The following SLAIN1 variants were observed in gnomAD, a reference collection of about 807,000 sequenced individuals.
SLAIN1 encodes SLAIN motif-containing protein 1.
In SLAIN1, 17 loss-of-function variants were observed where a neutral mutation model predicts 55.4. That is an observed-to-expected ratio of 0.31 (90% CI 0.21 to 0.46). SLAIN1 has a LOEUF of 0.46. SLAIN1 is among the 20% of genes least tolerant of loss of function. The probability of loss-of-function intolerance (pLI) is 1.00; values close to 1 mark genes in which losing one functional copy is unlikely to be tolerated. For synonymous variants in SLAIN1, 348 were observed against 337.4 expected (o/e 1.03, Z -0.35); for missense variants, 682 against 785.1 (o/e 0.87, Z 1.57).
chr13:77,758,403 T>G (rs1010578181), intron 5 of SLAIN1, among the ~76,000 whole-genome samples: 10 of 152,194 alleles, frequency 6.6e-5, no homozygotes, highest in African/African-American at 2.2e-4. Flanking sequence ...ATTATTTATT[T>G]TGGTGTGCAG....
chr13:77,745,356 T>TG (rs1489417621), intron 3 of SLAIN1, among the ~76,000 whole-genome samples: 1 of 152,076 alleles, frequency 6.6e-6, no homozygotes, highest in Non-Finnish European at 1.5e-5. Flanking sequence ...TGGGGGAAAC[T>TG]GGGCAAAGTG....
intron 6 of SLAIN1, among the ~76,000 whole-genome samples, chr13:77,762,612 C>A (rs1248886228): frequency 6.6e-6 from 1 of 152,092 alleles, no homozygotes; most frequent in East Asian, 1.9e-4. Flanking sequence ...GTTGCCCAAG[C>A]TGGTCTTGAA....
chr13:77,702,654 G>A (rs1331107961), intron 1 of SLAIN1, among the ~76,000 whole-genome samples: 1 of 151,992 alleles, frequency 6.6e-6, no homozygotes, highest in African/African-American at 2.4e-5. Context: ...TCTAGTTACT[G>A]ATAGAGTTCA....
chr13:77,741,942 T>C (rs1197666390), intron 2 of SLAIN1, among the ~76,000 whole-genome samples: 1 of 152,128 alleles, frequency 6.6e-6, no homozygotes, highest in Non-Finnish European at 1.5e-5. Flanking sequence ...GCCTTGTTTA[T>C]ATTTTTTATA....
chr13:77,714,482 G>A (rs1407664832), intron 1 of SLAIN1, among the ~76,000 whole-genome samples: 1 of 152,104 alleles, frequency 6.6e-6, no homozygotes, highest in East Asian at 1.9e-4. Flanking sequence ...GTGTGGTGGT[G>A]CATGCCTATG....
At chr13:77,702,411 G>A (rs1400897033) in intron 1 of SLAIN1, among the ~76,000 whole-genome samples, 1 of 152,166 alleles carries the variant, frequency 6.6e-6, no homozygotes, top group Non-Finnish European at 1.5e-5. Flanking sequence ...GACACAGTGT[G>A]ATTGGATGCT....
chr13:77,743,338 AT>A, intron 2 of SLAIN1: 1 of 324,636 alleles, frequency 3.1e-6, no homozygotes, highest in Non-Finnish European at 5.5e-6. Flanking sequence ...CTCTAACACC[AT>A]TGATCTACTG....
rs1036297441 is a variant in SLAIN1, at chr13:77,697,793, C to G, written c.-121C>G. ...TGCGAACCGCCGGCTCGGCCTCAGC[C>G]CGCGCGTGGTCGGCCCCCCAGGCCG... On this transcript the variant is annotated 5_prime_UTR_variant, in exon 1 of 7. Transcript: ENST00000418532. 4.6e-6 allele frequency: 5 copies of G among 1,077,764 alleles called. No individual in the cohort carries two copies. Among genetic ancestry groups the G allele is most frequent in the Admixed American group, 9.6e-5 (2 of 20,842 alleles). The allele number at this position is 1,077,764 out of a possible 1,614,324, so 66.8% of individuals were successfully genotyped here. A position where few individuals can be genotyped will look rare whatever the true frequency, so the allele number is the denominator to read the frequency against.
At chr13:77,745,835 A>G (rs1321913495) in intron 3 of SLAIN1, among the ~76,000 whole-genome samples, 1 of 152,152 alleles carries the variant, frequency 6.6e-6, no homozygotes, top group Admixed American at 6.6e-5. Context: ...CAGTTTCAGA[A>G]GTTAAGTAGT....
intron 2 of SLAIN1, among the ~76,000 whole-genome samples, chr13:77,726,764 C>G (rs557076453): frequency 6.6e-6 from 1 of 152,260 alleles, no homozygotes; most frequent in Non-Finnish European, 1.5e-5. Flanking sequence ...TCCTCTTTTC[C>G]AAGCTGATCT....
At chr13:77,728,650 G>A (rs2091329774) in intron 2 of SLAIN1, among the ~76,000 whole-genome samples, 1 of 152,142 alleles carries the variant, frequency 6.6e-6, no homozygotes, top group Non-Finnish European at 1.5e-5. Flanking sequence ...TGTTATAAAG[G>A]AGTGTTAATG....
chr13:77,748,685 A>G (rs1202396537), intron 4 of SLAIN1, among the ~76,000 whole-genome samples: 1 of 152,104 alleles, frequency 6.6e-6, no homozygotes, highest in African/African-American at 2.4e-5. Flanking sequence ...TAAAATGTCT[A>G]GTTTTCACAA....
chr13:77,698,799 G>A lies in SLAIN1; in HGVS notation c.626+260G>A. ...CCCCCCTTCCCCCCATCTGCCATGG[G>A]TTCTGCTATTTGCTGATTGTTGGGT... On this transcript the variant is annotated intron_variant, in intron 1 of 6. Coordinates refer to ENST00000418532, the MANE Select transcript of SLAIN1 (RefSeq NM_001242868.2). The surrounding 1 kb of genome is among the most constrained non-coding windows in gnomAD (Gnocchi z 4.1). 7.3e-7 allele frequency: 1 copy of A among 1,367,182 alleles called. No homozygotes were observed. Among genetic ancestry groups the A allele is most frequent in the Non-Finnish European group, 9.7e-7 (1 of 1,027,082 alleles). The allele number at this position is 1,367,182 out of a possible 1,614,324, so 84.7% of individuals were successfully genotyped here.
intron 2 of SLAIN1, among the ~76,000 whole-genome samples, chr13:77,728,478 A>G (rs939563984): frequency 6.6e-6 from 1 of 152,208 alleles, no homozygotes; most frequent in African/African-American, 2.4e-5. Context: ...CTTTTCACAA[A>G]TAGTGGAGGC....
At chr13:77,710,131 A>G (rs533303115) in intron 1 of SLAIN1, among the ~76,000 whole-genome samples, 9 of 152,172 alleles carry the variant, frequency 5.9e-5, no homozygotes, top group Admixed American at 1.3e-4. Flanking sequence ...AACATACCAA[A>G]TTGTAAAGAC....
intron 2 of SLAIN1, among the ~76,000 whole-genome samples, chr13:77,732,487 C>G (rs558412396): frequency 6.7e-6 from 1 of 150,186 alleles, no homozygotes; most frequent in Non-Finnish European, 1.5e-5. Flanking sequence ...TGGAAGCAGC[C>G]GTCTGTAATC....
At chr13:77,732,339 C>T (rs1487174863) in intron 2 of SLAIN1, among the ~76,000 whole-genome samples, 2 of 152,096 alleles carry the variant, frequency 1.3e-5, no homozygotes, top group Non-Finnish European at 2.9e-5. Context: ...CCTCTGTTTT[C>T]AGCATGAGAT....
intron 2 of SLAIN1, among the ~76,000 whole-genome samples, chr13:77,737,940 A>G (rs1307089276): frequency 6.6e-6 from 1 of 152,104 alleles, no homozygotes; most frequent in Admixed American, 6.6e-5. Context: ...CACAATAGTT[A>G]GTGCCTATTC....
At chr13:77,740,987 T>C (rs1397635412) in intron 2 of SLAIN1, among the ~76,000 whole-genome samples, 3 of 152,086 alleles carry the variant, frequency 2.0e-5, no homozygotes, top group African/African-American at 7.2e-5. Context: ...GAGCATTCTT[T>C]CTTGCAATAG....
Sources: gnomAD v4.1 joint callset for allele counts (sites outside exome capture counted in the v4.1 genomes callset) on GRCh38, gnomAD v4.1.1 for gene constraint, Gnocchi (gnomAD v3.1) non-coding constraint, MANE v1.5 for transcripts, NCBI Gene and HGNC (gene_info 2026-07-23, HGNC 2026-07-21) for gene names.